Variants in ST18 observed in about 807,000 individuals in gnomAD.
ST18 encodes suppression of tumorigenicity 18 protein.
A neutral mutation model predicts 110.0 loss-of-function variants in ST18; 50 were observed. The observed-to-expected ratio is 0.45, with a 90% CI of 0.36 to 0.58. ST18 has a LOEUF of 0.58. ST18 is among the 20% of genes least tolerant of loss of function. ST18 has a pLI of 0.00. For synonymous variants in ST18, 461 were observed against 452.4 expected, an observed-to-expected ratio of 1.02 and a Z score of -0.24; for missense variants, 1,306 against 1,280.1, an observed-to-expected ratio of 1.02 and a Z score of -0.31.
intron 10 of ST18, among the ~76,000 whole-genome samples, chr8:52,168,991 C>G (rs9792144): frequency 0.15 from 23,045 of 151,996 alleles, 1,860 homozygotes; most frequent in African/African-American, 0.17. Context: ...GTTTCTAAAC[C>G]ACATTGAAAG....
intron 2 of ST18, among the ~76,000 whole-genome samples, chr8:52,289,345 A>G (rs2095518595): frequency 6.6e-6 from 1 of 152,110 alleles, no homozygotes; most frequent in African/African-American, 2.4e-5. Context: ...CTGATGTCCC[A>G]GCTACTTGGG....
rs1243421009 is a variant in ST18, at chr8:52,359,466, G to A, written c.-465+49862C>T. ...CTAATAGGGCTTAAATTTGAATGGC[G>A]TAGACACATAAGAAGCAAAGAAATA... On this transcript the variant is annotated intron_variant, in intron 2 of 25. Transcript: ENST00000689386. 3.3e-5 allele frequency among the ~76,000 whole-genome samples: 5 copies of A among 152,188 alleles called. No homozygotes were observed. The East Asian group carries it at 5.8e-4, about 18-fold the overall frequency.
At chr8:52,335,881 A>G (rs1811810230) in intron 2 of ST18, among the ~76,000 whole-genome samples, 1 of 152,074 alleles carries the variant, frequency 6.6e-6, no homozygotes, top group African/African-American at 2.4e-5. Context: ...CCCTCCAATT[A>G]CACACTTCAG....
chr8:52,356,803 G>A (rs1208504184), intron 2 of ST18, among the ~76,000 whole-genome samples: 1 of 151,926 alleles, frequency 6.6e-6, no homozygotes, highest in Non-Finnish European at 1.5e-5. Context: ...CAAAATAAAG[G>A]AAACAGAAAT....
At chr8:52,297,293 A>C (rs1486884891) in intron 2 of ST18, among the ~76,000 whole-genome samples, 1 of 152,188 alleles carries the variant, frequency 6.6e-6, no homozygotes, top group Non-Finnish European at 1.5e-5. Context: ...CATCTCTAAA[A>C]CGGGGTGCTA....
At chr8:52,146,256 G>T (rs1429414150) in intron 16 of ST18, among the ~76,000 whole-genome samples, 1 of 152,124 alleles carries the variant, frequency 6.6e-6, no homozygotes, top group Non-Finnish European at 1.5e-5. Context: ...ACTGTTTTTT[G>T]TGGTCACATT....
intron 2 of ST18, among the ~76,000 whole-genome samples, chr8:52,365,114 A>AC (rs1827323683): frequency 6.2e-3 from 1 of 162 alleles, no homozygotes; most frequent in Admixed American, 0.1. Flanking sequence ...ACTCTGTCTT[A>AC]AAAAAAAAAT....
rs1031805951 is a variant in ST18 at position 52,364,442 on chromosome 8, A to T, written c.-465+44886T>A. On this transcript the variant is annotated intron_variant, in intron 2 of 25. Coordinates refer to ENST00000689386, the MANE Select transcript of ST18 (RefSeq NM_001352837.2). Reference sequence around the variant, plus strand: ...ATCTCGCTTGCCTACAATTGTTTGCATTCAGATGGGTATACGCGGTCAGCA... The same window carrying T: ...ATCTCGCTTGCCTACAATTGTTTGCTTTCAGATGGGTATACGCGGTCAGCA... 2.0e-5 allele frequency among the ~76,000 whole-genome samples: 3 copies of T among 152,186 alleles called. No homozygotes were observed. In the East Asian group the frequency reaches 5.8e-4, roughly 29 times the overall value.
At chr8:52,371,997 T>C (rs374298662) in intron 2 of ST18, among the ~76,000 whole-genome samples, 1 of 152,190 alleles carries the variant, frequency 6.6e-6, no homozygotes, top group African/African-American at 2.4e-5. Flanking sequence ...TAAAAAAAAG[T>C]TAACTACATA....
chr8:52,255,346 T>G (rs1413100184), intron 2 of ST18, among the ~76,000 whole-genome samples: 1 of 152,146 alleles, frequency 6.6e-6, no homozygotes, highest in Non-Finnish European at 1.5e-5. Context: ...CCTAATAGTA[T>G]TTTTAAAAAT....
At chr8:52,354,137 A>G (rs1821626233) in intron 2 of ST18, among the ~76,000 whole-genome samples, 1 of 152,220 alleles carries the variant, frequency 6.6e-6, no homozygotes, top group Non-Finnish European at 1.5e-5. Context: ...TGTGCTCACC[A>G]CTTGACCTCT....
chr8:52,185,862 G>A (rs753920079), intron 8 of ST18, among the ~76,000 whole-genome samples: 1 of 152,122 alleles, frequency 6.6e-6, no homozygotes, highest in African/African-American at 2.4e-5. Flanking sequence ...ATATCTTCAC[G>A]ACCTTGGGGT....
intron 8 of ST18, among the ~76,000 whole-genome samples, chr8:52,192,574 G>A (rs1472447998): frequency 6.6e-6 from 1 of 152,212 alleles, no homozygotes; most frequent in Admixed American, 6.5e-5. Flanking sequence ...TAGCTTGGAC[G>A]TGACACCTAC....
chr8:52,129,080 T>C (rs962388892), intron 22 of ST18, among the ~76,000 whole-genome samples: 11 of 152,148 alleles, frequency 7.2e-5, no homozygotes, highest in Admixed American at 6.5e-4. Flanking sequence ...ATAGGCTTAA[T>C]ATTATCTTCA....
At chr8:52,159,790 G>T (rs534681837) in intron 14 of ST18, among the ~76,000 whole-genome samples, 1 of 152,252 alleles carries the variant, frequency 6.6e-6, no homozygotes, top group South Asian at 2.1e-4. Context: ...AGTTATCAAG[G>T]CTGAGTTTCC....
intron 2 of ST18, among the ~76,000 whole-genome samples, chr8:52,368,158 A>G (rs10095566): frequency 0.98 from 149,804 of 152,238 alleles, 73,752 homozygotes; most frequent in Middle Eastern, 1. Context: ...CCTGCCTCTC[A>G]GTACACACTT....
At chr8:52,153,671 T>C (rs1455539601) in intron 15 of ST18, among the ~76,000 whole-genome samples, 1 of 152,220 alleles carries the variant, frequency 6.6e-6, no homozygotes, top group Non-Finnish European at 1.5e-5. Context: ...CCAAGATCTT[T>C]GGGACTTGGA....
chr8:52,126,250 A>C (rs899960366), intron 22 of ST18, 110 bp from the exon 23 acceptor site: 16 of 1,019,444 alleles, frequency 1.6e-5, no homozygotes, highest in Non-Finnish European at 1.9e-5. Context: ...GATTAATTAC[A>C]TTATAACCCA....
intron 2 of ST18, among the ~76,000 whole-genome samples, chr8:52,242,022 CA>C (rs1475479685): frequency 6.6e-6 from 1 of 152,118 alleles, no homozygotes; most frequent in Non-Finnish European, 1.5e-5. Context: ...ATTTTAAATA[CA>C]GTTTCTCTTC....
Sources: gnomAD v4.1 joint callset for allele counts (sites outside exome capture counted in the v4.1 genomes callset) on GRCh38, gnomAD v4.1.1 for gene constraint, MANE v1.5 for transcripts, NCBI Gene and HGNC (gene_info 2026-07-23, HGNC 2026-07-21) for gene names.